The following SPRR2D variants were observed in gnomAD, a reference collection of about 807,000 sequenced individuals.
SPRR2D encodes the protein small proline rich protein 2D, also known as small proline-rich protein 2D.
For synonymous variants in SPRR2D, 43 were observed against 32.8 expected, an observed-to-expected ratio of 1.31 and a Z score of -1.06; for missense variants, 81 against 87.2, an observed-to-expected ratio of 0.93 and a Z score of 0.28.
chr1:153,040,259 G>A lies in SPRR2D; in HGVS notation c.88C>T (p.Pro30Ser). The A allele has an allele frequency of 6.2e-7, 1 of 1,612,524 alleles. No individual in the cohort carries two copies. Among genetic ancestry groups the A allele is most frequent in the South Asian group, 1.1e-5 (1 of 90,988 alleles). ...GATGGGCAGGGCTCAGGGCACTTCG[G>A]GGGTGGACATGGCTCTGGGCACTTT... ...TPKCPEPCPP[P>S]KCPEPCPSPK... is the part of the protein sequence containing the mutation. Residue 30 changes from proline (P) to serine (S), a missense_variant, in exon 2 of 2, where the codon CCG becomes TCG. Pro to Ser is a moderately conservative substitution (Grantham distance 74). Coordinates refer to ENST00000360379, the MANE Select transcript of SPRR2D (RefSeq NM_006945.5).
In SPRR2D at chr1:153,040,376, T is replaced by C. The variant is rs372393475; in HGVS notation, c.-19-11A>G. The C allele has an allele frequency of 5.6e-6, 9 of 1,610,012 alleles. No individual in the cohort carries two copies. In the East Asian group the frequency reaches 6.7e-5, roughly 12 times the overall value. On this transcript the variant is annotated splice_polypyrimidine_tract_variant and intron_variant, in intron 1 of 1. Transcript: ENST00000360379. ...CTGGAGTCTCAGGATCTGAAAGAAA[T>C]GATACAACAGTGTTTGTGGGAAGGG...
In SPRR2D at chr1:153,039,813, A is replaced by G; in HGVS notation, c.*315T>C. On this transcript the variant is annotated 3_prime_UTR_variant, in exon 2 of 2. Coordinates refer to ENST00000360379, the MANE Select transcript of SPRR2D (RefSeq NM_006945.5). ...GTAGAAGCTCATGACCAGGTGACAGACAGACACAGAACACATCAACAGAAT... is the reference window on the plus strand; with the variant it reads ...GTAGAAGCTCATGACCAGGTGACAGGCAGACACAGAACACATCAACAGAAT... The G allele has an allele frequency of 4.1e-6, 2 of 493,744 alleles. No individual in the cohort carries two copies. Among genetic ancestry groups the G allele is most frequent in the Non-Finnish European group, 7.0e-6 (2 of 284,804 alleles). The allele number at this position is 493,744 out of a possible 1,614,324, so 30.6% of individuals were successfully genotyped here. A position where few individuals can be genotyped will look rare whatever the true frequency, so the allele number is the denominator to read the frequency against.
At chr1:153,040,685 C>A (rs1251803880) in intron 1 of SPRR2D, 2 of 444,406 alleles carry the variant, frequency 4.5e-6, no homozygotes, top group Non-Finnish European at 8.1e-6. Context: ...ATCTCACAAG[C>A]CATTTCTCTT....
intron 1 of SPRR2D, 87 bp from the exon 2 acceptor site, chr1:153,040,452 T>G: frequency 6.4e-7 from 1 of 1,565,772 alleles, no homozygotes; most frequent in Non-Finnish European, 8.6e-7. Flanking sequence ...GAAATATTAT[T>G]TCCCCATCTC....
At position 153,040,206 on chromosome 1, in the gene SPRR2D, A is replaced by C. The variant is rs1653950760; in HGVS notation, c.141T>G (p.Pro47=). 2 of 1,612,670 alleles carry C rather than the reference A, an allele frequency of 1.2e-6. No homozygotes were observed. Among genetic ancestry groups the C allele is most frequent in the South Asian group, 1.1e-5 (1 of 91,010 alleles). The change falls in exon 2 of 2, where the codon CCT becomes CCG. Residue 47 remains proline, a synonymous_variant. Transcript: ENST00000360379. ...GAGGATATTTCTGCTGGCACTGCTG[A>C]GGTGGGCAGGGCTGTGGACACTTTG... The part of the protein sequence containing the change: ...PSPKCPQPCP[P]QQCQQKYPPV...
intron 1 of SPRR2D, chr1:153,040,646 G>C (rs1418440285): frequency 7.2e-6 from 4 of 556,494 alleles, no homozygotes; most frequent in Non-Finnish European, 1.2e-5. Context: ...CTTTAGGAAA[G>C]GCAGTGACAA....
rs1320852978 is a variant in SPRR2D, at chr1:153,040,002, G to C, written c.*126C>G. Reference sequence around the variant, plus strand: ...CACAGATCATCACAGGCAGGCCACAGGTTAAGGAGAAAGAAGCTCCCTGTG... The same window carrying C: ...CACAGATCATCACAGGCAGGCCACACGTTAAGGAGAAAGAAGCTCCCTGTG... On this transcript the variant is annotated 3_prime_UTR_variant, in exon 2 of 2. Transcript: ENST00000360379. 2.7e-6 allele frequency: 4 copies of C among 1,507,882 alleles called. No homozygotes were observed. The African/African-American group carries it at 4.2e-5, about 16-fold the overall frequency. 93.4% of individuals were successfully genotyped at this position (1,507,882 alleles called of 1,614,324 possible).
In SPRR2D at chr1:153,039,989, C is replaced by T. The variant is rs1140232; in HGVS notation, c.*139G>A. ...AATCTTTTGCTGTCACAGATCATCACAGGCAGGCCACAGGTTAAGGAGAAA... is the reference window on the plus strand; with the variant it reads ...AATCTTTTGCTGTCACAGATCATCATAGGCAGGCCACAGGTTAAGGAGAAA... On this transcript the variant is annotated 3_prime_UTR_variant, in exon 2 of 2. Transcript: ENST00000360379. The T allele has an allele frequency of 8.2e-6, 12 of 1,469,006 alleles. No homozygotes were observed. The highest frequency in any genetic ancestry group is 1.1e-5 in the Non-Finnish European group (12 of 1,092,060). The allele number at this position is 1,469,006 out of a possible 1,614,324, so 91.0% of individuals were successfully genotyped here.
Position 153,040,187 on chromosome 1 carries a change from A to G in SPRR2D, c.160T>C (p.Tyr54His). 6.2e-7 allele frequency: 1 copy of G among 1,612,888 alleles called. No homozygotes were observed. The highest frequency in any genetic ancestry group is 8.5e-7 in the Non-Finnish European group (1 of 1,179,832). ...PCPPQQCQQKYPPVTPSPPCQ... is the reference protein window; with the variant it reads ...PCPPQQCQQKHPPVTPSPPCQ... Reference sequence around the variant, plus strand: ...GGTGGGGAAGGTGTCACAGGAGGATATTTCTGCTGGCACTGCTGAGGTGGG... The same window carrying G: ...GGTGGGGAAGGTGTCACAGGAGGATGTTTCTGCTGGCACTGCTGAGGTGGG... Residue 54 changes from tyrosine to histidine, a missense_variant, in exon 2 of 2, where the codon TAT becomes CAT. Tyr to His is a moderately conservative substitution (Grantham distance 83). Transcript: ENST00000360379.
Position 153,040,092 on chromosome 1 carries a change from C to T in SPRR2D, c.*36G>A. 6.2e-7 allele frequency: 1 copy of T among 1,600,214 alleles called. No homozygotes were observed. Among genetic ancestry groups the T allele is most frequent in the Non-Finnish European group, 8.5e-7 (1 of 1,173,806 alleles). On this transcript the variant is annotated 3_prime_UTR_variant, in exon 2 of 2. Coordinates refer to ENST00000360379, the MANE Select transcript of SPRR2D (RefSeq NM_006945.5). ...TGTGGAACGAGGTGAGCCAATTATC[C>T]TTATCCTCTCATGCTCCTGATGAAT...
rs749000118 is a variant in SPRR2D, at chr1:153,040,183, G to A, written c.164C>T (p.Pro55Leu). The part of the protein sequence containing the change: ...CPPQQCQQKY[P>L]PVTPSPPCQP... Reference sequence around the variant, plus strand: ...GCAGGGTGGGGAAGGTGTCACAGGAGGATATTTCTGCTGGCACTGCTGAGG... The same window carrying A: ...GCAGGGTGGGGAAGGTGTCACAGGAAGATATTTCTGCTGGCACTGCTGAGG... Residue 55 changes from proline to leucine, a missense_variant, in exon 2 of 2, where the codon CCT becomes CTT. Transcript: ENST00000360379. 1 of 1,613,030 alleles carries A rather than the reference G, an allele frequency of 6.2e-7. No individual in the cohort carries two copies.
At chr1:153,040,635 T>A (rs749501209) in intron 1 of SPRR2D, 7 of 594,904 alleles carry the variant, frequency 1.2e-5, no homozygotes, top group Non-Finnish European at 2.0e-5. Flanking sequence ...GAAAATAACA[T>A]CTTTAGGAAA....
chr1:153,040,024 T>G lies in SPRR2D; in HGVS notation c.*104A>C. 1 of 1,534,978 alleles carries G rather than the reference T, an allele frequency of 6.5e-7. No homozygotes were observed. The highest frequency in any genetic ancestry group is 2.3e-5 in the East Asian group (1 of 44,196). On this transcript the variant is annotated 3_prime_UTR_variant, in exon 2 of 2. Coordinates refer to ENST00000360379, the MANE Select transcript of SPRR2D (RefSeq NM_006945.5). ...ACAGGTTAAGGAGAAAGAAGCTCCC[T>G]GTGCATCCATGGAAGGCTTTGGTGA...
In SPRR2D at chr1:153,039,905, G is replaced by C. The variant is rs938117119; in HGVS notation, c.*223C>G. 1.4e-5 allele frequency: 13 copies of C among 910,750 alleles called. No individual in the cohort carries two copies. Among genetic ancestry groups the C allele is most frequent in the Middle Eastern group, 3.5e-4 (1 of 2,896 alleles). The allele number at this position is 910,750 out of a possible 1,614,324, so 56.4% of individuals were successfully genotyped here. On this transcript the variant is annotated 3_prime_UTR_variant, in exon 2 of 2. Coordinates refer to ENST00000360379, the MANE Select transcript of SPRR2D (RefSeq NM_006945.5). Reference sequence around the variant, plus strand: ...CGAAGCTCTGGGAGCTGGCACAGCTGAGGACTTCCTTTTCTTAGCTCCACC... The same window carrying C: ...CGAAGCTCTGGGAGCTGGCACAGCTCAGGACTTCCTTTTCTTAGCTCCACC...
At chr1:153,040,453 T>G in intron 1 of SPRR2D, 88 bp from the exon 2 acceptor site, 1 of 1,559,710 alleles carries the variant, frequency 6.4e-7, no homozygotes, top group Non-Finnish European at 8.6e-7. Flanking sequence ...AAATATTATT[T>G]CCCCATCTCC....
At position 153,040,271 on chromosome 1, in the gene SPRR2D, G is replaced by A. The variant is rs781721425; in HGVS notation, c.76C>T (p.Pro26Ser). Residue 26 changes from proline to serine, a missense_variant, in exon 2 of 2, where the codon CCA becomes TCA. Physicochemically the swap from Pro to Ser is moderately conservative, Grantham distance 74. Transcript: ENST00000360379. ...TCAGGGCACTTCGGGGGTGGACATG[G>A]CTCTGGGCACTTTGGCGTGGGGCAC... Reference protein sequence around the residue: ...PVCPTPKCPEPCPPPKCPEPC... With the variant: ...PVCPTPKCPESCPPPKCPEPC... 9 of 1,612,354 alleles carry A rather than the reference G, an allele frequency of 5.6e-6. No homozygotes were observed. Among genetic ancestry groups the A allele is most frequent in the Non-Finnish European group, 7.6e-6 (9 of 1,179,858 alleles).
In SPRR2D at chr1:153,041,105, G is replaced by C. The variant is rs370500083; in HGVS notation, c.-47C>G. 1 of 153,078 alleles carries C rather than the reference G, an allele frequency of 6.5e-6. No homozygotes were observed. The highest frequency in any genetic ancestry group is 1.5e-5 in the Non-Finnish European group (1 of 68,656). 9.5% of individuals were successfully genotyped at this position (153,078 alleles called of 1,614,324 possible). A position where few individuals can be genotyped will look rare whatever the true frequency, so the allele number is the denominator to read the frequency against. ...GGTTCTCCAAAGCAGATCGGTGCTA[G>C]AGTACCAGGAGTTTAAGAGTTGTGC... On this transcript the variant is annotated 5_prime_UTR_variant, in exon 1 of 2. Transcript: ENST00000360379.
chr1:153,039,778 T>G lies in SPRR2D; in HGVS notation c.*350A>C, dbSNP rs184969692. ...CAGGGAGTGAAAGATAAATGACAAT[T>G]GCAAAGGTGGTAGAAGCTCATGACC... On this transcript the variant is annotated 3_prime_UTR_variant, in exon 2 of 2. Coordinates refer to ENST00000360379, the MANE Select transcript of SPRR2D (RefSeq NM_006945.5). 3.1e-4 allele frequency: 134 copies of G among 429,522 alleles called. 3 individuals carry two copies. The East Asian group carries it at 3.9e-3, about 13-fold the overall frequency. The allele number at this position is 429,522 out of a possible 1,614,324, so 26.6% of individuals were successfully genotyped here. A position where few individuals can be genotyped will look rare whatever the true frequency, so the allele number is the denominator to read the frequency against.
At position 153,040,338 on chromosome 1, in the gene SPRR2D, A is replaced by G. The variant is rs1653957086; in HGVS notation, c.9T>C (p.Tyr3=). Residue 3 remains tyrosine (Y), a synonymous_variant, in exon 2 of 2, where the codon TAT becomes TAC. Transcript: ENST00000360379. Reference sequence around the variant, plus strand: ...AGGGCTGCTTGCACTGCTGCTGTTGATAAGACATCCTGCTGGAGTCTCAGG... The same window carrying G: ...AGGGCTGCTTGCACTGCTGCTGTTGGTAAGACATCCTGCTGGAGTCTCAGG... The part of the protein sequence containing the change: MS[Y]QQQQCKQPCQ... 1 of 1,611,812 alleles carries G rather than the reference A, an allele frequency of 6.2e-7. No individual in the cohort carries two copies. The highest frequency in any genetic ancestry group is 8.5e-7 in the Non-Finnish European group (1 of 1,179,854).
Sources: allele counts gnomAD v4.1 joint callset, GRCh38; gene constraint gnomAD v4.1.1; transcripts MANE v1.5; gene names NCBI Gene and HGNC (gene_info 2026-07-23, HGNC 2026-07-21).